TMTC1: variants seen among roughly 807,000 people sequenced by gnomAD.
TMTC1 encodes transmembrane O-mannosyltransferase targeting cadherins 1, also known as protein O-mannosyl-transferase TMTC1.
In TMTC1, 73 loss-of-function variants were observed where a neutral mutation model predicts 104.8. The observed-to-expected ratio is 0.70, with a 90% CI of 0.58 to 0.85. TMTC1 has a LOEUF of 0.85. TMTC1 is among the 40% of genes least tolerant of loss of function. TMTC1 has a pLI of 0.00. For synonymous variants in TMTC1, 434 were observed against 428.7 expected, an observed-to-expected ratio of 1.01 and a Z score of -0.15; for missense variants, 1,035 against 1,096.1, an observed-to-expected ratio of 0.94 and a Z score of 0.79.
chr12:29,719,340 T>C (rs1345177450), intron 5 of TMTC1, among the ~76,000 whole-genome samples: 3 of 152,224 alleles, frequency 2.0e-5, no homozygotes, highest in Non-Finnish European at 4.4e-5. Context: ...AATACTTGGA[T>C]GCCTGGGTTG....
intron 8 of TMTC1, among the ~76,000 whole-genome samples, chr12:29,581,845 T>C (rs181571583): frequency 6.2e-4 from 95 of 152,250 alleles, no homozygotes; most frequent in African/African-American, 2.2e-3. Flanking sequence ...GTTTACCGAA[T>C]GACCTTAGTT....
intron 2 of TMTC1, among the ~76,000 whole-genome samples, chr12:29,760,829 A>G (rs1943327849): frequency 6.7e-6 from 1 of 149,744 alleles, no homozygotes; most frequent in Admixed American, 6.7e-5. Context: ...TCATAATTAT[A>G]TAACTCATTA....
At chr12:29,570,758 C>A in intron 9 of TMTC1, among the ~76,000 whole-genome samples, 1 of 152,010 alleles carries the variant, frequency 6.6e-6, no homozygotes, top group Non-Finnish European at 1.5e-5. Flanking sequence ...GCAGGAGAAT[C>A]ACTTGAACCT....
At chr12:29,779,361 AAAGTGACAT>A (rs1374695283) in intron 1 of TMTC1, among the ~76,000 whole-genome samples, 1 of 152,246 alleles carries the variant, frequency 6.6e-6, no homozygotes, top group Non-Finnish European at 1.5e-5. Flanking sequence ...CAACTTAGCT[AAAGTGACAT>A]AGTGCAAAGC....
At chr12:29,545,018 C>T (rs1944901573) in intron 10 of TMTC1, among the ~76,000 whole-genome samples, 1 of 152,142 alleles carries the variant, frequency 6.6e-6, no homozygotes, top group Non-Finnish European at 1.5e-5. Context: ...AGTAAAAGAA[C>T]ATGAGTGATA....
chr12:29,732,030 T>C (rs1244964706), intron 5 of TMTC1, among the ~76,000 whole-genome samples: 1 of 152,214 alleles, frequency 6.6e-6, no homozygotes, highest in Non-Finnish European at 1.5e-5. Flanking sequence ...ATTTATTCCA[T>C]ATAAATTATG....
At chr12:29,667,813 A>G (rs1402820105) in intron 5 of TMTC1, among the ~76,000 whole-genome samples, 2 of 152,220 alleles carry the variant, frequency 1.3e-5, no homozygotes, top group Admixed American at 6.5e-5. Flanking sequence ...GGAAGTTTCA[A>G]TTCATTAGTG....
chr12:29,651,351 A>G lies in TMTC1; in HGVS notation c.939-18015T>C, dbSNP rs111716897. 6.7e-3 allele frequency among the ~76,000 whole-genome samples: 1,013 copies of G among 152,286 alleles called. 13 individuals are homozygous for G. Among genetic ancestry groups the G allele is most frequent in the African/African-American group, 0.024 (979 of 41,552 alleles). ...TTGGTGGTGGGTCAGGGAAAACAAG[A>G]GGGACTATTAGTGGGTGGGGCTATT... is the stretch of plus-strand genomic sequence containing the variant. On this transcript the variant is annotated intron_variant, in intron 5 of 17. Coordinates refer to ENST00000539277, the MANE Select transcript of TMTC1 (RefSeq NM_001193451.2).
intron 13 of TMTC1, among the ~76,000 whole-genome samples, chr12:29,518,110 T>C (rs1944042993): frequency 6.6e-6 from 1 of 152,236 alleles, no homozygotes; most frequent in African/African-American, 2.4e-5. Flanking sequence ...CCCAAGGGTC[T>C]TTCTCATTAA....
intron 5 of TMTC1, among the ~76,000 whole-genome samples, chr12:29,691,506 CCT>C (rs892077832): frequency 5.5e-5 from 6 of 109,360 alleles, no homozygotes; most frequent in African/African-American, 1.6e-4. Flanking sequence ...TTGAAATTCC[CCT>C]GTCTTGATAA....
chr12:29,548,268 A>T (rs951814661), intron 10 of TMTC1, among the ~76,000 whole-genome samples: 1 of 152,220 alleles, frequency 6.6e-6, no homozygotes, highest in Admixed American at 6.5e-5. Context: ...CACAGCACCA[A>T]ATGTTCAAAA....
intron 11 of TMTC1, chr12:29,532,642 A>G (rs1944537199): frequency 1.7e-5 from 2 of 118,062 alleles, no homozygotes; most frequent in African/African-American, 3.2e-5. Flanking sequence ...GAACACATAA[A>G]TATATTTAAA....
At chr12:29,725,416 C>T (rs965739350) in intron 5 of TMTC1, among the ~76,000 whole-genome samples, 6 of 152,054 alleles carry the variant, frequency 3.9e-5, no homozygotes, top group Admixed American at 3.3e-4. Flanking sequence ...TCACTGCAAC[C>T]TCAGCCTCCC....
At chr12:29,512,444 C>T (rs955597437) in intron 16 of TMTC1, among the ~76,000 whole-genome samples, 4 of 152,064 alleles carry the variant, frequency 2.6e-5, no homozygotes, top group African/African-American at 9.7e-5. Context: ...TACTTTCTGG[C>T]CTTTTTTCAC....
chr12:29,727,171 T>A (rs1159047605), intron 5 of TMTC1, among the ~76,000 whole-genome samples: 17 of 152,328 alleles, frequency 1.1e-4, no homozygotes, highest in Middle Eastern at 3.4e-3. Flanking sequence ...ACTATAGCAC[T>A]GTATGATCAA....
At chr12:29,699,591 T>C (rs765352348) in intron 5 of TMTC1, among the ~76,000 whole-genome samples, 16 of 151,192 alleles carry the variant, frequency 1.1e-4, no homozygotes, top group Non-Finnish European at 2.4e-4. Flanking sequence ...ATTCAAAAGA[T>C]AGTTTTAGAA....
At chr12:29,725,186 T>C (rs1316718061) in intron 5 of TMTC1, among the ~76,000 whole-genome samples, 2 of 145,192 alleles carry the variant, frequency 1.4e-5, no homozygotes, top group East Asian at 4.0e-4. Flanking sequence ...TCTGGCTAAT[T>C]TTTGTTTTGT....
chr12:29,555,300 G>C (rs990577730), intron 10 of TMTC1, among the ~76,000 whole-genome samples: 6 of 151,206 alleles, frequency 4.0e-5, no homozygotes, highest in African/African-American at 1.5e-4. Context: ...ACCAGGCCCG[G>C]TAATTTTTTT....
At position 29,512,092 on chromosome 12, in the gene TMTC1, G is replaced by C; in HGVS notation, c.2459C>G (p.Pro820Arg). 6.2e-7 allele frequency: 1 copy of C among 1,613,906 alleles called. No individual in the cohort carries two copies. Among genetic ancestry groups the C allele is most frequent in the South Asian group, 1.1e-5 (1 of 91,040 alleles). The change falls in exon 17 of 18, where the codon CCA becomes CGA. Residue 820 changes from proline to arginine, a missense_variant. Physicochemically the swap from Pro to Arg is moderately radical, Grantham distance 103 (BLOSUM62 -2). Coordinates refer to ENST00000539277, the MANE Select transcript of TMTC1 (RefSeq NM_001193451.2). ...GTTCATCCAGGCCTGTGCTTGGTCT[G>C]GGTTTAGTTGCACAGCCACTCTATA... ...ESYRVAVQLN[P>R]DQAQAWMNMG...
Sources: allele counts gnomAD v4.1 joint callset (sites outside exome capture counted in the v4.1 genomes callset), GRCh38; gene constraint gnomAD v4.1.1; transcripts MANE v1.5; gene names NCBI Gene and HGNC (gene_info 2026-07-23, HGNC 2026-07-21).